The following SAMD4A variants were observed in gnomAD, a reference collection of about 807,000 sequenced individuals.
SAMD4A encodes protein Smaug homolog 1.
Under a neutral mutation model 81.3 loss-of-function variants are expected in SAMD4A, and 33 were observed. The ratio of observed to expected loss-of-function variants is 0.41; its 90% CI spans 0.31 to 0.54. SAMD4A has a LOEUF of 0.54. SAMD4A is among the 20% of genes least tolerant of loss of function. SAMD4A has a pLI of 0.37. For missense variants in SAMD4A, 854 were observed against 951.1 expected (o/e 0.90, Z 1.34); for synonymous variants, 389 against 382.1 (o/e 1.02, Z -0.21).
intron 2 of SAMD4A, among the ~76,000 whole-genome samples, chr14:54,626,424 C>A (rs2034766240): frequency 6.6e-6 from 1 of 152,108 alleles, no homozygotes; most frequent in African/African-American, 2.4e-5. Context: ...ATTTTATGAA[C>A]TAAAACTTCT....
intron 2 of SAMD4A, among the ~76,000 whole-genome samples, chr14:54,629,067 A>G (rs966495227): frequency 7.3e-6 from 1 of 137,630 alleles, no homozygotes; most frequent in African/African-American, 2.7e-5. Context: ...TTATGACGTG[A>G]TGGTGGGCCC....
intron 2 of SAMD4A, among the ~76,000 whole-genome samples, chr14:54,614,774 C>T (rs557486039): frequency 2.3e-4 from 35 of 152,216 alleles, no homozygotes; most frequent in Admixed American, 1.8e-3. Flanking sequence ...GCCAAAGTAC[C>T]CACTTCCTGA....
intron 2 of SAMD4A, among the ~76,000 whole-genome samples, chr14:54,580,755 T>G (rs2033440640): frequency 6.6e-6 from 1 of 152,238 alleles, no homozygotes. Flanking sequence ...CTGGTGTTGT[T>G]CACTATCTGA....
chr14:54,604,334 T>C (rs2034141911), intron 2 of SAMD4A, among the ~76,000 whole-genome samples: 1 of 152,242 alleles, frequency 6.6e-6, no homozygotes, highest in East Asian at 1.9e-4. Flanking sequence ...TTTGAATTTA[T>C]TGAAGAACCA....
chr14:54,768,459 G>A (rs1008930542), intron 8 of SAMD4A, among the ~76,000 whole-genome samples: 1 of 152,308 alleles, frequency 6.6e-6, no homozygotes, highest in Middle Eastern at 3.4e-3. Context: ...GTAAAGGCGT[G>A]CAGGGATTCG....
chr14:54,747,807 A>G (rs1318233780), intron 4 of SAMD4A, among the ~76,000 whole-genome samples: 1 of 152,162 alleles, frequency 6.6e-6, no homozygotes, highest in Non-Finnish European at 1.5e-5. Context: ...TAATGACTTC[A>G]TTTCGCCATC....
At chr14:54,571,217 CTCATGG>C (rs2033119019) in intron 2 of SAMD4A, among the ~76,000 whole-genome samples, 1 of 152,156 alleles carries the variant, frequency 6.6e-6, no homozygotes, top group Non-Finnish European at 1.5e-5. Flanking sequence ...TTGCCTCAGG[CTCATGG>C]TCATTGGAGA....
At chr14:54,672,025 T>G (rs1042637604) in intron 2 of SAMD4A, among the ~76,000 whole-genome samples, 14 of 141,812 alleles carry the variant, frequency 9.9e-5, no homozygotes, top group African/African-American at 2.8e-4. Context: ...ATAGTGTTTT[T>G]TTTTTTTTTT....
chr14:54,596,698 C>T (rs577385299), intron 2 of SAMD4A, among the ~76,000 whole-genome samples: 24 of 152,332 alleles, frequency 1.6e-4, no homozygotes, highest in African/African-American at 5.1e-4. Flanking sequence ...AGGGAGCCGA[C>T]GGGGAGATGC....
chr14:54,699,736 T>C (rs2036664889), intron 2 of SAMD4A, among the ~76,000 whole-genome samples: 1 of 152,194 alleles, frequency 6.6e-6, no homozygotes, highest in South Asian at 2.1e-4. Context: ...CATATATGGC[T>C]TATATTTTAT....
At chr14:54,645,808 A>G (rs1369518857) in intron 2 of SAMD4A, among the ~76,000 whole-genome samples, 1 of 152,146 alleles carries the variant, frequency 6.6e-6, no homozygotes, top group African/African-American at 2.4e-5. Flanking sequence ...CTGAGTTTTG[A>G]CTGTTAAGAA....
chr14:54,697,884 G>A (rs1483769738), intron 2 of SAMD4A, among the ~76,000 whole-genome samples: 11 of 152,132 alleles, frequency 7.2e-5, no homozygotes, highest in African/African-American at 1.9e-4. Context: ...GTATTGGCAC[G>A]AGGCCTCGGT....
At chr14:54,600,002 A>G (rs1288141319) in intron 2 of SAMD4A, among the ~76,000 whole-genome samples, 1 of 152,186 alleles carries the variant, frequency 6.6e-6, no homozygotes, top group African/African-American at 2.4e-5. Flanking sequence ...CAGATCATTA[A>G]TCCTACTTTT....
intron 3 of SAMD4A, among the ~76,000 whole-genome samples, chr14:54,706,714 G>A (rs1380346485): frequency 6.6e-6 from 1 of 151,990 alleles, no homozygotes; most frequent in East Asian, 1.9e-4. Flanking sequence ...AGTCTGGAGG[G>A]GAGGGGGCCC....
At position 54,750,167 on chromosome 14, in the gene SAMD4A, A is replaced by G. The variant is rs559136895; in HGVS notation, c.1089+1243A>G. On this transcript the variant is annotated intron_variant, in intron 5 of 12. Transcript: ENST00000554335. The stretch of plus-strand genomic sequence containing the variant: ...AAGTCATCAGTTGTTCGACTTGAGG[A>G]AAAAAAACAAGAAATAATTGAGGGC... 5.8e-3 allele frequency among the ~76,000 whole-genome samples: 877 copies of G among 152,172 alleles called. 7 individuals carry two copies. Among genetic ancestry groups the G allele is most frequent in the African/African-American group, 0.02 (812 of 41,496 alleles).
chr14:54,619,707 A>G (rs540972655), intron 2 of SAMD4A, among the ~76,000 whole-genome samples: 108 of 152,182 alleles, frequency 7.1e-4, no homozygotes, highest in African/African-American at 2.6e-3. Context: ...TGTTCTCATC[A>G]TGTAGCTCCC....
At chr14:54,626,870 C>T (rs1469203911) in intron 2 of SAMD4A, among the ~76,000 whole-genome samples, 1 of 152,120 alleles carries the variant, frequency 6.6e-6, no homozygotes, top group Non-Finnish European at 1.5e-5. Flanking sequence ...CATTATTATA[C>T]CCATTTTAGA....
chr14:54,759,430 C>A (rs771048996), intron 6 of SAMD4A, among the ~76,000 whole-genome samples: 9 of 152,174 alleles, frequency 5.9e-5, no homozygotes, highest in Non-Finnish European at 1.0e-4. Context: ...GATCCTCATG[C>A]CCACGCTCAT....
At chr14:54,780,275 A>G (rs969896999) in intron 11 of SAMD4A, among the ~76,000 whole-genome samples, 2 of 152,190 alleles carry the variant, frequency 1.3e-5, no homozygotes, top group Non-Finnish European at 2.9e-5. Flanking sequence ...GGCACCTCAC[A>G]TGGCAGCATT....
Sources: gnomAD v4.1 joint callset for allele counts (sites outside exome capture counted in the v4.1 genomes callset) on GRCh38, gnomAD v4.1.1 for gene constraint, MANE v1.5 for transcripts, NCBI Gene and HGNC (gene_info 2026-07-23, HGNC 2026-07-21) for gene names.